Variants in CLINT1 observed in about 807,000 individuals in gnomAD.
The protein encoded by CLINT1 is clathrin interactor 1, also known as clathrin interacting protein localized in the trans-Golgi region.
A neutral mutation model predicts 70.4 loss-of-function variants in CLINT1; 15 were observed. That is an observed-to-expected ratio of 0.21 (90% CI 0.14 to 0.33). CLINT1 has a LOEUF of 0.33. CLINT1 is among the 10% of genes least tolerant of loss of function. The pLI is 1.00. For synonymous variants in CLINT1, 227 were observed against 254.7 expected, an observed-to-expected ratio of 0.89 and a Z score of 1.04; for missense variants, 615 against 778.1, an observed-to-expected ratio of 0.79 and a Z score of 2.49.
intron 1 of CLINT1, among the ~76,000 whole-genome samples, chr5:157,849,908 A>G (rs1200143102): frequency 1.3e-5 from 2 of 152,250 alleles, no homozygotes; most frequent in Non-Finnish European, 2.9e-5. Context: ...AAGAGTTAGT[A>G]ATACAGCAGT....
At chr5:157,844,761 AG>A (rs1410956600) in intron 1 of CLINT1, among the ~76,000 whole-genome samples, 1 of 152,258 alleles carries the variant, frequency 6.6e-6, no homozygotes, top group Non-Finnish European at 1.5e-5. Context: ...TAAAGATCAC[AG>A]GATTATAGAA....
intron 1 of CLINT1, among the ~76,000 whole-genome samples, chr5:157,838,024 G>A (rs1236980039): frequency 4.0e-5 from 6 of 151,626 alleles, no homozygotes; most frequent in Non-Finnish European, 7.4e-5. Context: ...TTAAAATTAC[G>A]TAATTTTTCA....
rs1761928599 is a variant in CLINT1, at chr5:157,792,015, A to T, written c.1088-20T>A. ...CTGTTACTAAGACAGAAATAACTCT[A>T]AGGGTAAGAAACTTCATGGAATGCA... On this transcript the variant is annotated intron_variant, in intron 9 of 11. Coordinates refer to ENST00000411809, the MANE Select transcript of CLINT1 (RefSeq NM_014666.4). 1 of 1,597,358 alleles carries T rather than the reference A, an allele frequency of 6.3e-7. No homozygotes were observed. The highest frequency in any genetic ancestry group is 8.5e-7 in the Non-Finnish European group (1 of 1,171,594).
intron 1 of CLINT1, among the ~76,000 whole-genome samples, chr5:157,855,084 C>T (rs1753710038): frequency 7.4e-6 from 1 of 135,184 alleles, no homozygotes; most frequent in African/African-American, 2.8e-5. Flanking sequence ...GTAGAGATTG[C>T]AGTGGGCTGA....
At chr5:157,791,576 C>G in intron 10 of CLINT1, 127 bp downstream of exon 10, 2 of 830,602 alleles carry the variant, frequency 2.4e-6, no homozygotes, top group Non-Finnish European at 3.8e-6. Context: ...TATACACACA[C>G]AGACACATAT....
rs3075709 is a variant in CLINT1, at chr5:157,829,689, AT to A, written c.42-12143del. Among the ~76,000 whole-genome samples, 365 of 109,132 alleles carry A rather than the reference AT, an allele frequency of 3.3e-3. 2 individuals are homozygous for A. The highest frequency in any genetic ancestry group is 8.2e-3 in the African/African-American group (239 of 29,104). The allele number at this position is 109,132 out of a possible 152,430, so 71.6% of individuals were successfully genotyped here. ...TAGGTGCACGCCACCACACCCAGCT[AT>A]TTTTTTTTTTTTTTTTTTTTTTTGT... On this transcript the variant is annotated intron_variant, in intron 1 of 11. Coordinates refer to ENST00000411809, the MANE Select transcript of CLINT1 (RefSeq NM_014666.4).
Position 157,809,664 on chromosome 5 carries a change from C to T in CLINT1, c.659G>A (p.Arg220Gln), listed in dbSNP as rs772791985. The change falls in exon 6 of 12, where the codon CGG (arginine) becomes CAG (glutamine). Residue 220 changes from arginine to glutamine, a missense_variant. Arg to Gln is a conservative substitution (Grantham distance 43). Transcript: ENST00000411809. ...TGGAGAGTCTTCTCTATCTTTCCTC[C>T]GGAACTTGCTGATGGTGTCATCAAT... The part of the protein sequence containing the change: ...STIDDTISKF[R>Q]RKDREDSPER... The T allele has an allele frequency of 2.7e-5, 44 of 1,612,480 alleles. No individual in the cohort carries two copies. Among genetic ancestry groups the T allele is most frequent in the South Asian group, 6.6e-5 (6 of 90,832 alleles).
intron 10 of CLINT1, chr5:157,790,512 C>T (rs1761868998): frequency 2.9e-6 from 1 of 345,444 alleles, no homozygotes; most frequent in African/African-American, 2.2e-5. Context: ...AGAATTATGA[C>T]AGTTACAATT....
chr5:157,804,367 C>T (rs1762324702), intron 7 of CLINT1, among the ~76,000 whole-genome samples: 1 of 152,118 alleles, frequency 6.6e-6, no homozygotes, highest in South Asian at 2.1e-4. Flanking sequence ...TTATCTTCTC[C>T]ACAAAGCTAA....
At chr5:157,795,018 T>G in intron 8 of CLINT1, 46 bp from the exon 9 acceptor site, 1 of 1,481,958 alleles carries the variant, frequency 6.7e-7, no homozygotes, top group Admixed American at 2.0e-5. Flanking sequence ...AGAGAAAAAT[T>G]GTAAATAATT....
At chr5:157,802,765 C>T (rs563737982) in intron 8 of CLINT1, among the ~76,000 whole-genome samples, 2 of 151,944 alleles carry the variant, frequency 1.3e-5, no homozygotes, top group Middle Eastern at 3.4e-3. Context: ...AGGCTGGTCT[C>T]GAACTCCTGA....
chr5:157,826,593 T>A (rs903480426), intron 1 of CLINT1, among the ~76,000 whole-genome samples: 2 of 151,684 alleles, frequency 1.3e-5, no homozygotes, highest in Non-Finnish European at 2.9e-5. Flanking sequence ...GTGAGGTGGA[T>A]GTGAGGGACT....
intron 6 of CLINT1, chr5:157,809,116 T>C (rs7708971): frequency 0.14 from 20,616 of 152,188 alleles, 1,852 homozygotes; most frequent in African/African-American, 0.25. Flanking sequence ...TTCAGCAGCA[T>C]ATGTACTAAA....
At chr5:157,858,221 T>C (rs1024331116) in intron 1 of CLINT1, among the ~76,000 whole-genome samples, 25 of 152,336 alleles carry the variant, frequency 1.6e-4, no homozygotes, top group African/African-American at 5.3e-4. Context: ...TAATGACCTC[T>C]TAATTTAATC....
At chr5:157,840,192 C>CAAAAA (rs57245921) in intron 1 of CLINT1, among the ~76,000 whole-genome samples, 595 of 55,152 alleles carry the variant, frequency 0.011, 20 homozygotes, top group African/African-American at 0.041. Flanking sequence ...GAGACTGCCT[C>CAAAAA]AAAAAAAAAA....
intron 1 of CLINT1, among the ~76,000 whole-genome samples, chr5:157,838,507 C>T (rs1047108193): frequency 6.6e-6 from 1 of 152,208 alleles, no homozygotes; most frequent in Non-Finnish European, 1.5e-5. Context: ...ATACGTACAT[C>T]TTAATTTTAT....
chr5:157,853,697 A>C (rs975332038), intron 1 of CLINT1, among the ~76,000 whole-genome samples: 6 of 150,258 alleles, frequency 4.0e-5, no homozygotes, highest in Non-Finnish European at 7.4e-5. Flanking sequence ...GAATTGCTTG[A>C]ACCCAGGAGG....
chr5:157,803,326 G>T (rs1201475617), intron 8 of CLINT1, among the ~76,000 whole-genome samples: 1 of 152,146 alleles, frequency 6.6e-6, no homozygotes, highest in Non-Finnish European at 1.5e-5. Context: ...AGTACATCAG[G>T]TATGAGGAGT....
intron 8 of CLINT1, among the ~76,000 whole-genome samples, chr5:157,796,887 C>T (rs1433110235): frequency 2.7e-5 from 4 of 148,034 alleles, no homozygotes; most frequent in South Asian, 2.1e-4. Context: ...CTCATACATA[C>T]ATATATATAT....
Sources: allele counts gnomAD v4.1 joint callset (sites outside exome capture counted in the v4.1 genomes callset), GRCh38; gene constraint gnomAD v4.1.1; transcripts MANE v1.5; gene names NCBI Gene and HGNC (gene_info 2026-07-23, HGNC 2026-07-21).